The following LTBP1 variants were observed in gnomAD, a reference collection of about 807,000 sequenced individuals.
LTBP1 encodes latent transforming growth factor beta binding protein 1, also known as latent-transforming growth factor beta-binding protein 1.
A neutral mutation model predicts 207.6 loss-of-function variants in LTBP1; 129 were observed. That is an observed-to-expected ratio of 0.62 (90% CI 0.54 to 0.72). The LOEUF (loss-of-function observed/expected upper bound fraction) is 0.72. Ranked by LOEUF, LTBP1 falls within the 30% of genes least tolerant of loss-of-function variation. The pLI is 0.00. For synonymous variants in LTBP1, 963 were observed against 833.7 expected (o/e 1.16, Z -2.67); for missense variants, 2,281 against 2,217.2 (o/e 1.03, Z -0.58).
At chr2:33,341,995 G>T (rs1029083219) in intron 24 of LTBP1, among the ~76,000 whole-genome samples, 1 of 152,234 alleles carries the variant, frequency 6.6e-6, no homozygotes, top group Non-Finnish European at 1.5e-5. Flanking sequence ...GGCAGAGAGA[G>T]CAGAGTACCA....
intron 10 of LTBP1, among the ~76,000 whole-genome samples, chr2:33,248,800 T>A (rs1418473467): frequency 6.6e-6 from 1 of 152,160 alleles, no homozygotes; most frequent in Non-Finnish European, 1.5e-5. Flanking sequence ...TTGGCCAGGC[T>A]GGTCTCGAAC....
intron 31 of LTBP1, among the ~76,000 whole-genome samples, chr2:33,365,784 G>A (rs2094979309): frequency 1.3e-5 from 2 of 152,086 alleles, no homozygotes; most frequent in South Asian, 2.1e-4. Flanking sequence ...GCAATCAGTG[G>A]CATAGGCTTA....
At chr2:32,992,531 AG>A (rs1375037709) in intron 2 of LTBP1, among the ~76,000 whole-genome samples, 35 of 152,366 alleles carry the variant, frequency 2.3e-4, no homozygotes, top group African/African-American at 8.2e-4. Context: ...CCCAGAGCTC[AG>A]ACAGGCTTGA....
intron 7 of LTBP1, among the ~76,000 whole-genome samples, chr2:33,210,219 T>A (rs1330190540): frequency 3.9e-5 from 6 of 152,342 alleles, no homozygotes; most frequent in Non-Finnish European, 7.3e-5. Flanking sequence ...TTTGTTGAGA[T>A]AAGATATTAT....
At chr2:33,351,964 C>T (rs1443648308) in intron 26 of LTBP1, among the ~76,000 whole-genome samples, 1 of 152,136 alleles carries the variant, frequency 6.6e-6, no homozygotes, top group Non-Finnish European at 1.5e-5. Context: ...TATGACATTG[C>T]CTGCTAAGTA....
At chr2:33,294,377 A>G (rs938710985) in intron 20 of LTBP1, among the ~76,000 whole-genome samples, 6 of 151,098 alleles carry the variant, frequency 4.0e-5, no homozygotes, top group Non-Finnish European at 7.4e-5. Context: ...TTATATTTTT[A>G]GTAGAGACAG....
intron 6 of LTBP1, among the ~76,000 whole-genome samples, chr2:33,188,345 T>A (rs1265745132): frequency 7.1e-6 from 1 of 140,138 alleles, no homozygotes. Context: ...CGCTTGAACC[T>A]GGGATGCAGA....
chr2:33,390,090 A>T (rs532251527), intron 32 of LTBP1, among the ~76,000 whole-genome samples: 3 of 152,326 alleles, frequency 2.0e-5, no homozygotes, highest in Admixed American at 1.3e-4. Flanking sequence ...GATCATTATT[A>T]TAAGTGTTTT....
intron 3 of LTBP1, among the ~76,000 whole-genome samples, chr2:33,035,757 C>T (rs187900614): frequency 3.9e-5 from 6 of 152,268 alleles, no homozygotes; most frequent in African/African-American, 7.2e-5. Context: ...CATTCTCAAC[C>T]TCAGTTCAGC....
At chr2:33,089,154 TCAA>T (rs1558621653) in intron 3 of LTBP1, among the ~76,000 whole-genome samples, 1 of 21,034 alleles carries the variant, frequency 4.8e-5, no homozygotes, top group African/African-American at 9.1e-5. Context: ...AGACTCAGTC[TCAA>T]AAAAAAAAAA....
At chr2:32,973,546 T>G (rs1372107515) in intron 2 of LTBP1, among the ~76,000 whole-genome samples, 2 of 151,896 alleles carry the variant, frequency 1.3e-5, no homozygotes, top group African/African-American at 4.8e-5. Flanking sequence ...ATCATGGAGA[T>G]TGGGGCATCT....
At chr2:33,158,148 CAA>C (rs59789805) in intron 5 of LTBP1, among the ~76,000 whole-genome samples, 131 of 113,902 alleles carry the variant, frequency 1.2e-3, no homozygotes, top group Admixed American at 2.8e-3. Flanking sequence ...AAAAAAAAAA[CAA>C]AAAAAAAAAA....
chr2:33,154,521 A>C (rs2083794221), intron 5 of LTBP1, among the ~76,000 whole-genome samples: 1 of 152,222 alleles, frequency 6.6e-6, no homozygotes. Context: ...AGCACAAATA[A>C]ATCTGCCTTG....
intron 26 of LTBP1, among the ~76,000 whole-genome samples, chr2:33,358,828 A>C (rs1198284260): frequency 1.3e-5 from 2 of 152,188 alleles, no homozygotes; most frequent in African/African-American, 4.8e-5. Context: ...AGGGCTCATA[A>C]TTGATTTAAT....
chr2:33,349,434 T>C (rs2094749499), intron 26 of LTBP1, among the ~76,000 whole-genome samples: 1 of 145,530 alleles, frequency 6.9e-6, no homozygotes, highest in Admixed American at 6.7e-5. Flanking sequence ...AGCCAGATTC[T>C]GTCTCAAAAG....
chr2:33,286,852 G>T (rs2093675513), intron 19 of LTBP1, among the ~76,000 whole-genome samples: 1 of 152,148 alleles, frequency 6.6e-6, no homozygotes, highest in African/African-American at 2.4e-5. Context: ...AACACCGCAT[G>T]TTCTCACTCA....
At chr2:33,049,612 A>G (rs2076623157) in intron 3 of LTBP1, among the ~76,000 whole-genome samples, 1 of 152,156 alleles carries the variant, frequency 6.6e-6, no homozygotes, top group Admixed American at 6.5e-5. Context: ...ATAAAGGAAA[A>G]CTACTTAAAA....
intron 31 of LTBP1, among the ~76,000 whole-genome samples, chr2:33,373,122 C>G (rs930651470): frequency 4.6e-5 from 7 of 152,088 alleles, no homozygotes; most frequent in Non-Finnish European, 1.5e-5. Context: ...ATAAACGGGA[C>G]AACTAGTGTG....
intron 4 of LTBP1, among the ~76,000 whole-genome samples, chr2:33,119,714 C>T (rs186308275): frequency 7.7e-4 from 117 of 152,238 alleles, no homozygotes; most frequent in African/African-American, 2.6e-3. Flanking sequence ...CCTGCCACCA[C>T]GCCTGGCTAA....
Sources: allele counts gnomAD v4.1 joint callset (sites outside exome capture counted in the v4.1 genomes callset), GRCh38; gene constraint gnomAD v4.1.1; transcripts MANE v1.5; gene names NCBI Gene and HGNC (gene_info 2026-07-23, HGNC 2026-07-21).